Variants in ZFP90 observed in about 807,000 individuals in gnomAD.
ZFP90 encodes the protein zinc finger protein 90 homolog.
ZFP90 carries 38 observed loss-of-function variants against 60.8 expected under a neutral mutation model. The observed-to-expected ratio is 0.62, with a 90% CI of 0.48 to 0.82. ZFP90 has a LOEUF of 0.82. Among genes scored for constraint, ZFP90 ranks in the 40% least tolerant of loss-of-function variants. The pLI is 0.00. For missense variants in ZFP90, 711 were observed against 759.1 expected (o/e 0.94, Z 0.74); for synonymous variants, 287 against 264.8 (o/e 1.08, Z -0.82).
Position 68,558,147 on chromosome 16 carries a change from T to C in ZFP90, c.160+23T>C, listed in dbSNP as rs185620551. 5.6e-6 allele frequency: 9 copies of C among 1,610,610 alleles called. No homozygotes were observed. The East Asian group carries it at 1.8e-4, about 32-fold the overall frequency. ...TTGGTAAGGACCACTTCTCTGAGTG[T>C]CTTTCCTGCTGATGGGCCTTTCCTT... On this transcript the variant is annotated intron_variant, in intron 3 of 4. Coordinates refer to ENST00000563169, the MANE Select transcript of ZFP90 (RefSeq NM_001305203.2).
upstream of ZFP90, among the ~76,000 whole-genome samples, chr16:68,538,820 C>T (rs2090982961): frequency 1.3e-5 from 2 of 152,138 alleles, no homozygotes; most frequent in Non-Finnish European, 2.9e-5. Flanking sequence ...GCACATTGCT[C>T]AGGAGGCCAC....
At chr16:68,546,822 A>C (rs2091158950) in intron 2 of ZFP90, among the ~76,000 whole-genome samples, 2 of 152,164 alleles carry the variant, frequency 1.3e-5, no homozygotes, top group South Asian at 4.1e-4. Context: ...AAAATCACAC[A>C]GTATATCTTT....
At chr16:68,567,283 C>T (rs771514835), downstream of ZFP90, 2 of 541,932 alleles carry the variant, frequency 3.7e-6, no homozygotes, top group Non-Finnish European at 4.7e-6. Context: ...AGACATTGTG[C>T]TAGGTGTTTC....
chr16:68,570,085 C>A (rs1170428), downstream of ZFP90, among the ~76,000 whole-genome samples: 122,134 of 151,708 alleles, frequency 0.81, 49,333 homozygotes, highest in African/African-American at 0.87. Context: ...ATCCCCCTCT[C>A]CCTACCTACC....
intron 2 of ZFP90, among the ~76,000 whole-genome samples, chr16:68,547,750 C>A (rs1394196232): frequency 6.6e-6 from 1 of 151,732 alleles, no homozygotes; most frequent in African/African-American, 2.4e-5. Flanking sequence ...TAGGTTGTTT[C>A]TGAAATTTTT....
At chr16:68,538,450 C>T (rs1178320231), upstream of ZFP90, among the ~76,000 whole-genome samples, 1 of 152,082 alleles carries the variant, frequency 6.6e-6, no homozygotes, top group East Asian at 1.9e-4. Context: ...GGGCCGGGCG[C>T]GGTTGCCCAT....
upstream of ZFP90, among the ~76,000 whole-genome samples, chr16:68,535,033 C>T (rs1170353534): frequency 6.6e-6 from 1 of 151,998 alleles, no homozygotes; most frequent in Non-Finnish European, 1.5e-5. Context: ...ATTCATGGTT[C>T]CATGTTTTAT....
In ZFP90 at chr16:68,565,609, C is replaced by T; in HGVS notation, c.*911C>T. 2 of 985,512 alleles carry T rather than the reference C, an allele frequency of 2.0e-6. No individual in the cohort carries two copies. The highest frequency in any genetic ancestry group is 2.4e-6 in the Non-Finnish European group (2 of 829,922). The allele number at this position is 985,512 out of a possible 1,614,324, so 61.0% of individuals were successfully genotyped here. On this transcript the variant is annotated 3_prime_UTR_variant, in exon 5 of 5. Coordinates refer to ENST00000563169, the MANE Select transcript of ZFP90 (RefSeq NM_001305203.2). Reference sequence around the variant, plus strand: ...CCAGTTTCACAGAACTATTAAGTCCCCTTATTGTACTTTTTATGGCATGCC... The same window carrying T: ...CCAGTTTCACAGAACTATTAAGTCCTCTTATTGTACTTTTTATGGCATGCC...
In ZFP90 at chr16:68,543,792, C is replaced by A. The variant is rs181892624; in HGVS notation, c.33+3967C>A. 4.9e-3 allele frequency among the ~76,000 whole-genome samples: 750 copies of A among 151,670 alleles called. 4 individuals are homozygous for A. The highest frequency in any genetic ancestry group is 8.1e-3 in the Admixed American group (124 of 15,246). On this transcript the variant is annotated intron_variant, in intron 2 of 4. Coordinates refer to ENST00000563169, the MANE Select transcript of ZFP90 (RefSeq NM_001305203.2). ...ACCAGGATGGTCTCGATCTCCTGAC[C>A]TCATGATCTGCCTGTCTCAGCCTCC... is the stretch of plus-strand genomic sequence containing the variant.
chr16:68,568,035 T>G, downstream of ZFP90, among the ~76,000 whole-genome samples: 2 of 152,374 alleles, frequency 1.3e-5, 1 homozygote, highest in Middle Eastern at 6.8e-3. Flanking sequence ...CTGACTCTCC[T>G]ATTTCAATTA....
chr16:68,554,750 G>A (rs1099296), intron 2 of ZFP90, among the ~76,000 whole-genome samples: 116,795 of 151,938 alleles, frequency 0.77, 44,970 homozygotes, highest in East Asian at 0.82. Flanking sequence ...CCAGGAGTTT[G>A]AGACCAGCCT....
In ZFP90 at chr16:68,565,237, A is replaced by G. The variant is rs1473316708; in HGVS notation, c.*539A>G. 1.0e-6 allele frequency: 1 copy of G among 986,108 alleles called. No individual in the cohort carries two copies. Among genetic ancestry groups the G allele is most frequent in the Non-Finnish European group, 1.2e-6 (1 of 830,278 alleles). The allele number at this position is 986,108 out of a possible 1,614,324, so 61.1% of individuals were successfully genotyped here. On this transcript the variant is annotated 3_prime_UTR_variant, in exon 5 of 5. Transcript: ENST00000563169. ...AAAGATGTGAAGTGGTTTCCACAGT[A>G]TGATACAGCCTATAAGGGTAAAGCT...
chr16:68,563,459 A>G lies in ZFP90; in HGVS notation c.672A>G (p.Ser224=), dbSNP rs775398178. 1.2e-6 allele frequency: 2 copies of G among 1,614,222 alleles called. No individual in the cohort carries two copies. Among genetic ancestry groups the G allele is most frequent in the Admixed American group, 3.3e-5 (2 of 60,018 alleles). The change falls in exon 5 of 5, where the codon TCA becomes TCG. Residue 224 remains serine, a synonymous_variant. Transcript: ENST00000563169. The part of the protein sequence containing the change: ...DKCRKAFIHR[S]SLTKHEKTHK... ...GTAGAAAAGCCTTTATTCATAGATC[A>G]TCGCTTACTAAACATGAGAAAACAC...
intron 2 of ZFP90, among the ~76,000 whole-genome samples, chr16:68,545,130 C>G (rs1026846581): frequency 6.6e-6 from 1 of 151,812 alleles, no homozygotes; most frequent in East Asian, 2.0e-4. Context: ...CCGCCCGCCT[C>G]GGCCGCCCAA....
chr16:68,568,450 G>T (rs969379933), downstream of ZFP90, among the ~76,000 whole-genome samples: 1 of 152,138 alleles, frequency 6.6e-6, no homozygotes, highest in Non-Finnish European at 1.5e-5. Flanking sequence ...CTGGCAAGAG[G>T]GTAACTTGGT....
chr16:68,559,471 C>G (rs944038561), intron 4 of ZFP90, among the ~76,000 whole-genome samples: 2 of 152,080 alleles, frequency 1.3e-5, no homozygotes, highest in Non-Finnish European at 2.9e-5. Flanking sequence ...TTATTTCAAC[C>G]CAGGTTGTTT....
rs201210860 is a variant in ZFP90, at chr16:68,539,859, C to T, written c.33+34C>T. On this transcript the variant is annotated intron_variant, in intron 2 of 4. Coordinates refer to ENST00000563169, the MANE Select transcript of ZFP90 (RefSeq NM_001305203.2). ...CGCGTTCCTAACCTCCTGGGCATCC[C>T]ATCCATCTATCCATCCCATCTCCCA... 5.2e-4 allele frequency: 839 copies of T among 1,601,336 alleles called. 1 individual carries two copies. The highest frequency in any genetic ancestry group is 9.1e-4 in the South Asian group (81 of 89,184).
At chr16:68,575,749 T>TG in intron 2 of ZFP90, 1 of 398,110 alleles carries the variant, frequency 2.5e-6, no homozygotes, top group Non-Finnish European at 4.4e-6. Context: ...GTCTTCAGCT[T>TG]GAAGGTTGGG....
At position 68,566,492 on chromosome 16, in the gene ZFP90, T is replaced by C. The variant is rs2091529970; in HGVS notation, c.*1794T>C. ...GGCATGCAGCAGCACCCAAGTATTC[T>C]TCATTCTTTGCAGGGAAAAAATTGT... On this transcript the variant is annotated 3_prime_UTR_variant, in exon 5 of 5. Transcript: ENST00000563169. 1 of 985,466 alleles carries C rather than the reference T, an allele frequency of 1.0e-6. No individual in the cohort carries two copies. 61.0% of individuals were successfully genotyped at this position (985,466 alleles called of 1,614,324 possible). A position where few individuals can be genotyped will look rare whatever the true frequency, so the allele number is the denominator to read the frequency against.
Sources: allele counts gnomAD v4.1 joint callset (sites outside exome capture counted in the v4.1 genomes callset), GRCh38; gene constraint gnomAD v4.1.1; transcripts MANE v1.5; gene names NCBI Gene and HGNC (gene_info 2026-07-23, HGNC 2026-07-21).